Variants in CLASP2 observed in about 807,000 individuals in gnomAD.
The protein encoded by CLASP2 is CLIP-associating protein 2.
Under a neutral mutation model 194.4 loss-of-function variants are expected in CLASP2, and 47 were observed. That is an observed-to-expected ratio of 0.24 (90% confidence interval 0.19 to 0.31). CLASP2 has a LOEUF of 0.31. CLASP2 is among the 10% of genes least tolerant of loss of function. The pLI is 1.00. For synonymous variants in CLASP2, 619 were observed against 633.5 expected, an observed-to-expected ratio of 0.98 and a Z score of 0.34; for missense variants, 1,445 against 1,823.6, an observed-to-expected ratio of 0.79 and a Z score of 3.78.
At chr3:33,675,461 C>G (rs2088371369) in intron 6 of CLASP2, among the ~76,000 whole-genome samples, 2 of 149,982 alleles carry the variant, frequency 1.3e-5, no homozygotes, top group Non-Finnish European at 3.0e-5. Context: ...CTATCTATGA[C>G]AAACCCACAG....
chr3:33,527,473 C>T (rs1053383004), intron 34 of CLASP2, among the ~76,000 whole-genome samples: 1 of 152,108 alleles, frequency 6.6e-6, no homozygotes, highest in Admixed American at 6.6e-5. Context: ...CAGTAAAACA[C>T]AGCCTACCAA....
At chr3:33,670,368 A>T (rs761452722) in intron 6 of CLASP2, among the ~76,000 whole-genome samples, 1 of 152,188 alleles carries the variant, frequency 6.6e-6, no homozygotes, top group African/African-American at 2.4e-5. Context: ...GCTATAATTT[A>T]TAGATTTGTA....
intron 19 of CLASP2, among the ~76,000 whole-genome samples, chr3:33,596,257 T>G (rs2070332810): frequency 6.6e-6 from 1 of 152,146 alleles, no homozygotes; most frequent in Non-Finnish European, 1.5e-5. Flanking sequence ...AACGCACTCT[T>G]AAAAAGTCGG....
intron 7 of CLASP2, chr3:33,645,351 G>C (rs766960374): frequency 1.3e-6 from 1 of 764,900 alleles, no homozygotes; most frequent in South Asian, 1.3e-5. Context: ...CACCCTAGGA[G>C]GCTCCCAATA....
intron 8 of CLASP2, among the ~76,000 whole-genome samples, chr3:33,642,752 T>C (rs2081539298): frequency 1.3e-5 from 2 of 151,884 alleles, no homozygotes; most frequent in Non-Finnish European, 3.0e-5. Flanking sequence ...CAGTCAAGAA[T>C]GGCATTCATT....
At chr3:33,663,405 A>G in intron 7 of CLASP2, 40 bp downstream of exon 7, 5 of 1,529,472 alleles carry the variant, frequency 3.3e-6, no homozygotes, top group Non-Finnish European at 4.5e-6. Flanking sequence ...AAACTTTGCT[A>G]AATAGTCTTA....
intron 8 of CLASP2, among the ~76,000 whole-genome samples, chr3:33,634,107 T>C (rs1196890101): frequency 1.3e-5 from 2 of 151,994 alleles, no homozygotes; most frequent in African/African-American, 4.8e-5. Context: ...AAAGAAGAGA[T>C]CACCTAGAAA....
At chr3:33,589,783 T>C (rs2068293591) in intron 21 of CLASP2, among the ~76,000 whole-genome samples, 1 of 152,150 alleles carries the variant, frequency 6.6e-6, no homozygotes, top group African/African-American at 2.4e-5. Flanking sequence ...ACTTACAATG[T>C]ACCTGAAAAG....
At chr3:33,516,916 A>T (rs1000000562) in intron 35 of CLASP2, 65 bp downstream of exon 35, 1 of 1,341,234 alleles carries the variant, frequency 7.5e-7, no homozygotes, top group Non-Finnish European at 1.0e-6. Context: ...GTGTAGCATT[A>T]GATTAACAGG....
At chr3:33,500,522 C>T (rs956120255) in intron 38 of CLASP2, among the ~76,000 whole-genome samples, 2 of 152,126 alleles carry the variant, frequency 1.3e-5, no homozygotes, top group African/African-American at 4.8e-5. Context: ...GATCACAGAA[C>T]CCTCTGAAAC....
chr3:33,590,774 C>A (rs1343688116), intron 21 of CLASP2, among the ~76,000 whole-genome samples: 2 of 152,200 alleles, frequency 1.3e-5, no homozygotes, highest in Non-Finnish European at 2.9e-5. Flanking sequence ...GCCCCATTCT[C>A]TTTCCTGATT....
intron 2 of CLASP2, among the ~76,000 whole-genome samples, chr3:33,691,616 T>C (rs1217605475): frequency 6.6e-6 from 1 of 152,230 alleles, no homozygotes; most frequent in Non-Finnish European, 1.5e-5. Flanking sequence ...GGATGTACTG[T>C]TAACACTAGA....
chr3:33,506,003 G>T (rs1409477330), intron 37 of CLASP2, among the ~76,000 whole-genome samples: 2 of 152,082 alleles, frequency 1.3e-5, no homozygotes, highest in Non-Finnish European at 2.9e-5. Flanking sequence ...AAGCCAGAAA[G>T]TAATTTTTAA....
chr3:33,533,756 C>G (rs1435325449), intron 34 of CLASP2, among the ~76,000 whole-genome samples: 1 of 152,002 alleles, frequency 6.6e-6, no homozygotes, highest in Admixed American at 6.6e-5. Flanking sequence ...ACTCTGTTGC[C>G]CAGGTTGGAG....
chr3:33,571,601 T>C (rs1332338281), intron 25 of CLASP2, among the ~76,000 whole-genome samples: 1 of 150,568 alleles, frequency 6.6e-6, no homozygotes, highest in Non-Finnish European at 1.5e-5. Flanking sequence ...TGCCACTGTA[T>C]GCCAGCCTGG....
In CLASP2 at chr3:33,589,656, GA is replaced by G. The variant is rs539684653; in HGVS notation, c.2068+2738del. 6.0e-4 allele frequency among the ~76,000 whole-genome samples: 91 copies of G among 152,224 alleles called. 2 individuals carry two copies. Among genetic ancestry groups the G allele is most frequent in the Admixed American group, 1.8e-3 (28 of 15,292 alleles). On this transcript the variant is annotated intron_variant, in intron 21 of 38. Transcript: ENST00000682230. ...AATCTTAAAGTCCTATTTGGTCTAAGAAAGTCAATTACTGTGTTTTCACAAT... is the reference window on the plus strand; with the variant it reads ...AATCTTAAAGTCCTATTTGGTCTAAGAAGTCAATTACTGTGTTTTCACAAT...
rs551413120 is a variant in CLASP2, at chr3:33,614,021, T to C, written c.1318-1950A>G. On this transcript the variant is annotated intron_variant, in intron 12 of 38. Coordinates refer to ENST00000682230, the MANE Select transcript of CLASP2 (RefSeq NM_001365631.1). ...CAGAACAATTTACACTTTATTAATA[T>C]AAGTTGACAACAGGGGAAAAAAAGC... 1.4e-4 allele frequency among the ~76,000 whole-genome samples: 21 copies of C among 152,204 alleles called. No homozygotes were observed. The East Asian group carries it at 1.5e-3, about 11-fold the overall frequency.
chr3:33,627,751 C>A (rs979923645), intron 9 of CLASP2, among the ~76,000 whole-genome samples: 1 of 152,030 alleles, frequency 6.6e-6, no homozygotes, highest in Non-Finnish European at 1.5e-5. Flanking sequence ...GCAAGTCCCA[C>A]AAAAGAAAAT....
intron 30 of CLASP2, among the ~76,000 whole-genome samples, chr3:33,548,739 T>C (rs999121334): frequency 2.6e-5 from 4 of 151,346 alleles, no homozygotes; most frequent in African/African-American, 7.3e-5. Flanking sequence ...CCTGCCACAA[T>C]AGGTAACGAC....
Sources: allele counts gnomAD v4.1 joint callset (sites outside exome capture counted in the v4.1 genomes callset), GRCh38; gene constraint gnomAD v4.1.1; transcripts MANE v1.5; gene names NCBI Gene and HGNC (gene_info 2026-07-23, HGNC 2026-07-21).